MARCHF1: variants seen among roughly 807,000 people sequenced by gnomAD.
The protein encoded by MARCHF1 is E3 ubiquitin-protein ligase MARCHF1.
MARCHF1 carries 40 observed loss-of-function variants against 54.2 expected under a neutral mutation model. That is an observed-to-expected ratio of 0.74 (90% confidence interval 0.57 to 0.96). MARCHF1 has a LOEUF of 0.96. MARCHF1 is among the 40% of genes least tolerant of loss of function. The pLI is 0.00. For missense variants in MARCHF1, 586 were observed against 656.5 expected (o/e 0.89, Z 1.17); for synonymous variants, 236 against 236.3 (o/e 1.00, Z 0.01).
chr4:163,894,576 T>C (rs1750736391), intron 3 of MARCHF1, among the ~76,000 whole-genome samples: 3 of 68,696 alleles, frequency 4.4e-5, no homozygotes, highest in South Asian at 1.2e-3. Flanking sequence ...TATATATGCA[T>C]GTGATGCATA....
At chr4:163,884,560 G>C (rs951374038) in intron 3 of MARCHF1, among the ~76,000 whole-genome samples, 2 of 152,014 alleles carry the variant, frequency 1.3e-5, no homozygotes, top group Non-Finnish European at 1.5e-5. Flanking sequence ...TTAATGAAAG[G>C]CCCCAAGTCC....
chr4:164,235,194 G>A (rs1560966349), intron 1 of MARCHF1, among the ~76,000 whole-genome samples: 1 of 151,940 alleles, frequency 6.6e-6, no homozygotes, highest in Non-Finnish European at 1.5e-5. Flanking sequence ...ATCCAGCTTA[G>A]TTTCTGTAGT....
intron 3 of MARCHF1, among the ~76,000 whole-genome samples, chr4:163,891,866 C>T (rs546816952): frequency 3.9e-5 from 6 of 152,058 alleles, no homozygotes; most frequent in South Asian, 2.1e-4. Context: ...ACATATGTGA[C>T]GGGTCTTTCT....
At chr4:164,197,634 G>C (rs2111073027) in intron 1 of MARCHF1, 2 of 1,613,040 alleles carry the variant, frequency 1.2e-6, no homozygotes, top group East Asian at 2.2e-5. Flanking sequence ...TCGACCGACT[G>C]TTGTCCAGGG....
chr4:163,838,328 T>C (rs1460555950), intron 4 of MARCHF1, among the ~76,000 whole-genome samples: 1 of 152,050 alleles, frequency 6.6e-6, no homozygotes, highest in Non-Finnish European at 1.5e-5. Context: ...GTAAATGCTA[T>C]GGAAATAGTT....
intron 4 of MARCHF1, among the ~76,000 whole-genome samples, chr4:163,760,515 A>T (rs1279234740): frequency 6.6e-6 from 1 of 152,138 alleles, no homozygotes; most frequent in African/African-American, 2.4e-5. Context: ...TTCTTGAAGT[A>T]ATTGAAAGAG....
chr4:164,080,976 A>C (rs1297022974), intron 2 of MARCHF1, among the ~76,000 whole-genome samples: 1 of 151,186 alleles, frequency 6.6e-6, no homozygotes, highest in Non-Finnish European at 1.5e-5. Context: ...TGGGAGGCCG[A>C]GGCGGGTGGA....
intron 5 of MARCHF1, among the ~76,000 whole-genome samples, chr4:163,658,046 A>G (rs1326451564): frequency 6.6e-6 from 1 of 151,936 alleles, no homozygotes; most frequent in Non-Finnish European, 1.5e-5. Flanking sequence ...TTGCGACAAA[A>G]GCTAAAATTG....
chr4:164,239,022 C>T (rs1259673208), intron 1 of MARCHF1, among the ~76,000 whole-genome samples: 1 of 151,928 alleles, frequency 6.6e-6, no homozygotes, highest in African/African-American at 2.4e-5. Flanking sequence ...TAGTGAATAC[C>T]TATGGATCAC....
At chr4:163,967,648 A>C (rs2110829270) in intron 3 of MARCHF1, among the ~76,000 whole-genome samples, 1 of 152,292 alleles carries the variant, frequency 6.6e-6, no homozygotes, top group East Asian at 1.9e-4. Flanking sequence ...AGCAACAGAA[A>C]TAAGAGGAGC....
chr4:164,102,724 A>T (rs1414319561), intron 2 of MARCHF1, among the ~76,000 whole-genome samples: 2 of 151,918 alleles, frequency 1.3e-5, no homozygotes, highest in Non-Finnish European at 2.9e-5. Context: ...CAAAATAACC[A>T]GCTAACATCA....
chr4:163,837,493 T>C lies in MARCHF1; in HGVS notation c.111+16528A>G, dbSNP rs138830186. Among the ~76,000 whole-genome samples, 1,029 of 152,104 alleles carry C rather than the reference T, an allele frequency of 6.8e-3. 19 individuals are homozygous for C. The highest frequency in any genetic ancestry group is 0.023 in the African/African-American group (942 of 41,516). The stretch of plus-strand genomic sequence containing the variant: ...GAAAAATGTGTTAACAACATGAAAA[T>C]ACATATCAAACAAAACTTGTAAAAA... On this transcript the variant is annotated intron_variant, in intron 4 of 9. Transcript: ENST00000514618.
intron 4 of MARCHF1, among the ~76,000 whole-genome samples, chr4:163,827,447 A>T (rs963699951): frequency 6.6e-6 from 1 of 152,166 alleles, no homozygotes; most frequent in African/African-American, 2.4e-5. Flanking sequence ...AGCTGGATTA[A>T]ATTTCTATTT....
intron 9 of MARCHF1, among the ~76,000 whole-genome samples, chr4:163,538,341 A>T (rs972969229): frequency 1.3e-5 from 2 of 150,828 alleles, no homozygotes; most frequent in African/African-American, 4.9e-5. Flanking sequence ...TTTTTTTTTC[A>T]CACACACACA....
intron 1 of MARCHF1, among the ~76,000 whole-genome samples, chr4:164,217,312 G>A (rs894470722): frequency 6.6e-6 from 1 of 152,188 alleles, no homozygotes; most frequent in Admixed American, 6.5e-5. Flanking sequence ...ACTTATGTAG[G>A]CTTAAATTGA....
intron 3 of MARCHF1, among the ~76,000 whole-genome samples, chr4:163,879,033 A>G (rs150136064): frequency 2.0e-5 from 3 of 152,348 alleles, no homozygotes; most frequent in East Asian, 1.9e-4. Context: ...AACAATATTA[A>G]GTATTGAATC....
intron 3 of MARCHF1, among the ~76,000 whole-genome samples, chr4:163,883,729 T>C (rs1006649446): frequency 6.6e-5 from 10 of 152,198 alleles, no homozygotes; most frequent in African/African-American, 2.4e-4. Context: ...TATTTATTGT[T>C]TATCTGATAC....
intron 3 of MARCHF1, among the ~76,000 whole-genome samples, chr4:163,921,305 G>C (rs902926338): frequency 8.6e-5 from 13 of 152,042 alleles, no homozygotes; most frequent in African/African-American, 1.4e-4. Flanking sequence ...CTAAAGATAG[G>C]ACTAAAAATC....
At chr4:163,994,178 G>A (rs1436604382) in intron 2 of MARCHF1, among the ~76,000 whole-genome samples, 6 of 151,944 alleles carry the variant, frequency 3.9e-5, no homozygotes, top group South Asian at 2.1e-4. Flanking sequence ...GAATCATGGC[G>A]GAAGGTCTTT....
Sources: allele counts gnomAD v4.1 joint callset (sites outside exome capture counted in the v4.1 genomes callset), GRCh38; gene constraint gnomAD v4.1.1; transcripts MANE v1.5; gene names NCBI Gene and HGNC (gene_info 2026-07-23, HGNC 2026-07-21).